GRIP2: variants seen among roughly 807,000 people sequenced by gnomAD.
GRIP2 encodes the protein glutamate receptor-interacting protein 2.
In GRIP2, 58 loss-of-function variants were observed where a neutral mutation model predicts 108.3. That is an observed-to-expected ratio of 0.54 (90% confidence interval 0.43 to 0.67). The LOEUF is 0.67. GRIP2 is among the 30% of genes least tolerant of loss of function. The pLI, the probability that GRIP2 is intolerant of heterozygous loss-of-function variation, is 0.00. For missense variants in GRIP2, 1,278 were observed against 1,430.6 expected, an observed-to-expected ratio of 0.89 and a Z score of 1.72; for synonymous variants, 586 against 598.2, an observed-to-expected ratio of 0.98 and a Z score of 0.30.
At chr3:14,551,056 G>A (rs549488190) in intron 1 of GRIP2, among the ~76,000 whole-genome samples, 15 of 152,260 alleles carry the variant, frequency 9.9e-5, no homozygotes, top group East Asian at 3.9e-4. Context: ...TTCCAGGCCC[G>A]GGAGAGCAGG....
chr3:14,559,992 C>T (rs980245196), upstream of GRIP2, among the ~76,000 whole-genome samples: 1 of 152,156 alleles, frequency 6.6e-6, no homozygotes, highest in Non-Finnish European at 1.5e-5. Context: ...GTGGCTCAGA[C>T]CCGTAATTCC....
chr3:14,497,546 T>G (rs1286090692), intron 21 of GRIP2, among the ~76,000 whole-genome samples: 1 of 152,144 alleles, frequency 6.6e-6, no homozygotes, highest in East Asian at 1.9e-4. Flanking sequence ...TGGTGGTGGC[T>G]GGGGGCCAGT....
intron 11 of GRIP2, among the ~76,000 whole-genome samples, chr3:14,515,244 T>G (rs1392812557): frequency 2.0e-5 from 3 of 152,228 alleles, no homozygotes; most frequent in Non-Finnish European, 4.4e-5. Flanking sequence ...CATCCATTGG[T>G]GGATACTGCG....
chr3:14,565,741 C>T, the GRIP2 span, among the ~76,000 whole-genome samples: 1 of 152,182 alleles, frequency 6.6e-6, no homozygotes, highest in South Asian at 2.1e-4. Flanking sequence ...GAGCTATGTC[C>T]CAGCATCGCC....
chr3:14,594,539 A>AT, the GRIP2 span, among the ~76,000 whole-genome samples: 1 of 152,174 alleles, frequency 6.6e-6, no homozygotes, highest in Non-Finnish European at 1.5e-5. Context: ...TCTTGGGATC[A>AT]ACACTCAACA....
At chr3:14,563,873 G>A in the GRIP2 span, among the ~76,000 whole-genome samples, 1,198 of 152,288 alleles carry the variant, frequency 7.9e-3, 3 homozygotes, top group Non-Finnish European at 0.013. Flanking sequence ...CTAAAATGAA[G>A]ACGGGAACAC....
the GRIP2 span, among the ~76,000 whole-genome samples, chr3:14,581,354 T>C: frequency 6.6e-6 from 1 of 152,200 alleles, no homozygotes; most frequent in Admixed American, 6.5e-5. Flanking sequence ...GTCCATGTGA[T>C]TTCCTGGCTT....
At chr3:14,598,346 G>A in the GRIP2 span, among the ~76,000 whole-genome samples, 3 of 103,544 alleles carry the variant, frequency 2.9e-5, no homozygotes, top group Non-Finnish European at 6.1e-5. Context: ...TACCACAGGG[G>A]GACACACACA....
chr3:14,548,132 G>C (rs1012906933), intron 1 of GRIP2, among the ~76,000 whole-genome samples: 1 of 152,312 alleles, frequency 6.6e-6, no homozygotes, highest in African/African-American at 2.4e-5. Context: ...GGTGAGGTAG[G>C]CAGGGATTTC....
At chr3:14,538,534 T>TA (rs909113692) in intron 1 of GRIP2, among the ~76,000 whole-genome samples, 2 of 152,190 alleles carry the variant, frequency 1.3e-5, no homozygotes, top group Non-Finnish European at 2.9e-5. Flanking sequence ...CTAATGATGT[T>TA]AATTGAGCAT....
At chr3:14,590,883 T>C in the GRIP2 span, among the ~76,000 whole-genome samples, 32 of 152,206 alleles carry the variant, frequency 2.1e-4, 1 homozygote, top group African/African-American at 7.2e-4. Context: ...GCAGTAAATC[T>C]ACATTTTTTT....
chr3:14,579,940 C>G, the GRIP2 span, among the ~76,000 whole-genome samples: 1 of 152,192 alleles, frequency 6.6e-6, no homozygotes, highest in Non-Finnish European at 1.5e-5. Context: ...CGGTGCCATA[C>G]GGGGTGGGGT....
chr3:14,515,006 T>C (rs1694210656), intron 11 of GRIP2, among the ~76,000 whole-genome samples: 2 of 152,218 alleles, frequency 1.3e-5, no homozygotes, highest in African/African-American at 2.4e-5. Context: ...GATCTTCCTA[T>C]GTCCCTCAGC....
At position 14,517,188 on chromosome 3, in the gene GRIP2, C is replaced by T. The variant is rs762013792; in HGVS notation, c.1182G>A (p.Ser394=). ...SRSLSSTPFS[S]PTLNHAFSCN... ...AGGAAAAGGCGTGGTTCAAGGTCGG[C>T]GAGGAAAAGGGAGTTGAAGACAAGG... is the stretch of plus-strand genomic sequence containing the variant. Residue 394 remains serine (S), a synonymous_variant, in exon 11 of 24, where the codon TCG becomes TCA. Coordinates refer to ENST00000621039, the MANE Select transcript of GRIP2 (RefSeq NM_001080423.4). 1.1e-5 allele frequency: 18 copies of T among 1,597,748 alleles called. No individual in the cohort carries two copies. The highest frequency in any genetic ancestry group is 6.9e-5 in the East Asian group (3 of 43,670).
chr3:14,518,047 A>G (rs1694305749), intron 9 of GRIP2, 150 bp from the exon 10 acceptor site: 3 of 947,428 alleles, frequency 3.2e-6, no homozygotes, highest in Non-Finnish European at 4.6e-6. Flanking sequence ...CCGGACGCCT[A>G]CAATGTGCCG....
the GRIP2 span, among the ~76,000 whole-genome samples, chr3:14,598,300 T>C: frequency 2.5e-3 from 383 of 150,400 alleles, 1 homozygote; most frequent in Non-Finnish European, 4.5e-3. Context: ...CGTTGTCTCC[T>C]AGGTAACCGG....
chr3:14,546,599 T>G (rs1320039144), upstream of GRIP2, among the ~76,000 whole-genome samples: 3 of 151,386 alleles, frequency 2.0e-5, no homozygotes, highest in Admixed American at 2.0e-4. Context: ...AAGCATGGAG[T>G]CAGGATGTAT....
chr3:14,514,502 T>C lies in GRIP2; in HGVS notation c.1307-24A>G, dbSNP rs371130924. Reference sequence around the variant, plus strand: ...CACTGTAGGACAGGTGGGCCCAGCATTCAGGTGAGCCGCCCCACGGAGGTC... The same window carrying C: ...CACTGTAGGACAGGTGGGCCCAGCACTCAGGTGAGCCGCCCCACGGAGGTC... On this transcript the variant is annotated intron_variant, in intron 11 of 23. Transcript: ENST00000621039. 2.9e-5 allele frequency: 44 copies of C among 1,521,336 alleles called. No homozygotes were observed. In the African/African-American group the frequency reaches 5.8e-4, roughly 20 times the overall value. The allele number at this position is 1,521,336 out of a possible 1,614,324, so 94.2% of individuals were successfully genotyped here.
Position 14,490,083 on chromosome 3 carries a change from C to T in GRIP2, c.*3582G>A, listed in dbSNP as rs1168024253. ...TTAGAATAGAAGACCACCCTACCCC[C>T]ATTTTCTGGCTCTTTCTGACAGCCT... On this transcript the variant is annotated 3_prime_UTR_variant, in exon 24 of 24. Coordinates refer to ENST00000621039, the MANE Select transcript of GRIP2 (RefSeq NM_001080423.4). 1.3e-5 allele frequency: 2 copies of T among 152,278 alleles called. No homozygotes were observed. Among genetic ancestry groups the T allele is most frequent in the African/African-American group, 2.4e-5 (1 of 41,446 alleles). 9.4% of individuals were successfully genotyped at this position (152,278 alleles called of 1,614,324 possible).
Sources: gnomAD v4.1 joint callset for allele counts (sites outside exome capture counted in the v4.1 genomes callset) on GRCh38, gnomAD v4.1.1 for gene constraint, MANE v1.5 for transcripts, NCBI Gene and HGNC (gene_info 2026-07-23, HGNC 2026-07-21) for gene names.